AKNAD1: variants seen among roughly 807,000 people sequenced by gnomAD.
AKNAD1 encodes the protein protein AKNAD1.
AKNAD1 carries 67 observed loss-of-function variants against 90.8 expected under a neutral mutation model. That is an observed-to-expected ratio of 0.74 (90% confidence interval 0.61 to 0.90). The LOEUF (loss-of-function observed/expected upper bound fraction) is 0.90. Among genes scored for constraint, AKNAD1 ranks in the 40% least tolerant of loss-of-function variants. The probability of loss-of-function intolerance (pLI) is 0.00; values close to 1 mark genes in which losing one functional copy is unlikely to be tolerated. For missense variants in AKNAD1, 957 were observed against 975.4 expected, an observed-to-expected ratio of 0.98 and a Z score of 0.25; for synonymous variants, 327 against 341.4, an observed-to-expected ratio of 0.96 and a Z score of 0.46.
chr1:108,855,179 C>A (rs539643865), intron 1 of AKNAD1, among the ~76,000 whole-genome samples: 1 of 147,606 alleles, frequency 6.8e-6, no homozygotes, highest in Non-Finnish European at 1.5e-5. Flanking sequence ...TTTGGGCGGC[C>A]GAGGCAGGTG....
At chr1:108,854,080 G>A (rs1004565735) in intron 1 of AKNAD1, among the ~76,000 whole-genome samples, 1 of 152,182 alleles carries the variant, frequency 6.6e-6, no homozygotes, top group Non-Finnish European at 1.5e-5. Context: ...AACAACCCCT[G>A]CCAGCCACCA....
chr1:108,843,934 CCA>C (rs1570820168), intron 5 of AKNAD1, among the ~76,000 whole-genome samples: 1 of 152,300 alleles, frequency 6.6e-6, no homozygotes, highest in East Asian at 1.9e-4. Flanking sequence ...TTCCACATCC[CCA>C]GTCACTAAAC....
At chr1:108,852,887 A>ATTTTATAAT in intron 1 of AKNAD1, 120 bp from the exon 2 acceptor site, 2 of 405,512 alleles carry the variant, frequency 4.9e-6, no homozygotes, top group South Asian at 2.0e-4. Flanking sequence ...GAAGGCAGGA[A>ATTTTATAAT]GCTCAACCAC....
At chr1:108,838,866 C>G (rs952617036) in intron 6 of AKNAD1, among the ~76,000 whole-genome samples, 42 of 151,750 alleles carry the variant, frequency 2.8e-4, no homozygotes, top group African/African-American at 1.0e-3. Context: ...TATGAAAAGA[C>G]CAACAACCAG....
rs971085500 is a variant in AKNAD1 at position 108,817,180 on chromosome 1, G to A, written c.2250-3C>T. 8 of 1,613,850 alleles carry A rather than the reference G, an allele frequency of 5.0e-6. No individual in the cohort carries two copies. The highest frequency in any genetic ancestry group is 3.3e-5 in the Admixed American group (2 of 59,986). On this transcript the variant is annotated splice_polypyrimidine_tract_variant and splice_region_variant and intron_variant, in intron 14 of 15. Transcript: ENST00000370001. ...TCATGAAAGCCTGAAGTTTTTTTCT[G>A]GAAGACAAAAGCACATTGATACTTG...
At chr1:108,855,176 G>A (rs1233855228) in intron 1 of AKNAD1, among the ~76,000 whole-genome samples, 5 of 152,140 alleles carry the variant, frequency 3.3e-5, no homozygotes, top group African/African-American at 4.8e-5. Flanking sequence ...CACTTTGGGC[G>A]GCCGAGGCAG....
At chr1:108,816,601 G>T (rs1663615287) in intron 15 of AKNAD1, among the ~76,000 whole-genome samples, 1 of 152,198 alleles carries the variant, frequency 6.6e-6, no homozygotes, top group Admixed American at 6.5e-5. Context: ...AAAAAGAACA[G>T]CTCTTAGAGG....
At chr1:108,831,449 T>C (rs1664191353) in intron 9 of AKNAD1, among the ~76,000 whole-genome samples, 1 of 152,208 alleles carries the variant, frequency 6.6e-6, no homozygotes. Context: ...TTGTACAGAT[T>C]TCACAGCCAC....
intron 14 of AKNAD1, among the ~76,000 whole-genome samples, chr1:108,817,627 G>C (rs1010055945): frequency 1.4e-5 from 2 of 146,828 alleles, no homozygotes; most frequent in African/African-American, 5.0e-5. Flanking sequence ...TCAGCCTCCC[G>C]AGTAGCTGGG....
intron 9 of AKNAD1, 111 bp from the exon 10 acceptor site, chr1:108,830,761 G>A (rs1664172066): frequency 4.0e-6 from 4 of 999,470 alleles, no homozygotes; most frequent in African/African-American, 1.6e-5. Flanking sequence ...TGCCACCTCA[G>A]GCAGAGAGAC....
chr1:108,823,414 A>G lies in AKNAD1; in HGVS notation c.2123T>C (p.Phe708Ser). 1 of 1,614,172 alleles carries G rather than the reference A, an allele frequency of 6.2e-7. No homozygotes were observed. Among genetic ancestry groups the G allele is most frequent in the Non-Finnish European group, 8.5e-7 (1 of 1,180,016 alleles). Residue 708 changes from phenylalanine to serine, a missense_variant, in exon 13 of 16, where the codon TTT becomes TCT. Physicochemically the swap from Phe to Ser is radical, Grantham distance 155. Transcript: ENST00000370001. The part of the protein sequence containing the change: ...NYSNHSKRGA[F>S]VQPHSLDESK... Reference sequence around the variant, plus strand: ...TTCATCTAAAGAATGGGGCTGGACAAAGGCACCTCTTTTGCTATGATTTGA... The same window carrying G: ...TTCATCTAAAGAATGGGGCTGGACAGAGGCACCTCTTTTGCTATGATTTGA...
chr1:108,823,619 C>A lies in AKNAD1; in HGVS notation c.2006G>T (p.Cys669Phe), dbSNP rs1464681565. 1.9e-6 allele frequency: 3 copies of A among 1,614,186 alleles called. No individual in the cohort carries two copies. In the Admixed American group the frequency reaches 5.0e-5, roughly 27 times the overall value. The change falls in exon 12 of 16, where the codon TGT (cysteine) becomes TTT (phenylalanine). Residue 669 changes from cysteine (C) to phenylalanine (F), a missense_variant. By Grantham distance (205) the Cys-to-Phe change is radical (BLOSUM62 -2). Transcript: ENST00000370001. ...TCGGGAGGTAGGAATCTTAGTGCCA[C>A]AGTCCTGACATTTGTTACTCTGCAT... ...TEMQSNKCQD[C>F]GTKIPTSRRA... is the part of the protein sequence containing the mutation.
intron 2 of AKNAD1, among the ~76,000 whole-genome samples, chr1:108,850,989 CATTACTAACG>C (rs1664837926): frequency 6.6e-6 from 1 of 152,148 alleles, no homozygotes; most frequent in African/African-American, 2.4e-5. Context: ...GCTTGAAATC[CATTACTAACG>C]ATCTTAATTC....
chr1:108,853,136 C>CTTTTTTTTTTTTTT lies in AKNAD1; in HGVS notation c.-103-370_-103-369insAAAAAAAAAAAAAA, dbSNP rs889504364. On this transcript the variant is annotated intron_variant, in intron 1 of 15. Coordinates refer to ENST00000370001, the MANE Select transcript of AKNAD1 (RefSeq NM_152763.5). The stretch of plus-strand genomic sequence containing the variant: ...AAAGGATTGATTTTTTTTCTTTTTT[C>CTTTTTTTTTTTTTT]TTTTTTTTTTTTTGAGACGGAGTCT... Among the ~76,000 whole-genome samples the CTTTTTTTTTTTTTT allele has an allele frequency of 1.3e-3, 176 of 133,506 alleles. 5 individuals carry two copies. The highest frequency in any genetic ancestry group is 2.7e-3 in the African/African-American group (95 of 34,772). The allele number at this position is 133,506 out of a possible 152,430, so 87.6% of individuals were successfully genotyped here. A position where few individuals can be genotyped will look rare whatever the true frequency, so the allele number is the denominator to read the frequency against.
rs764974826 is a variant in AKNAD1, at chr1:108,816,151, C to T, written c.*20G>A. 3.8e-6 allele frequency: 6 copies of T among 1,558,922 alleles called. No individual in the cohort carries two copies. The highest frequency in any genetic ancestry group is 1.2e-5 in the South Asian group (1 of 80,770). On this transcript the variant is annotated 3_prime_UTR_variant, in exon 16 of 16. Coordinates refer to ENST00000370001, the MANE Select transcript of AKNAD1 (RefSeq NM_152763.5). The stretch of plus-strand genomic sequence containing the variant: ...TCTTTGCATTTTTTTCTTTTGAATC[C>T]TTGGTAGCCTAGCGTTGAACTAGTA...
chr1:108,838,325 C>G (rs1229955491), intron 6 of AKNAD1, among the ~76,000 whole-genome samples: 1 of 148,832 alleles, frequency 6.7e-6, no homozygotes, highest in African/African-American at 2.6e-5. Flanking sequence ...GATAGCCCCC[C>G]CCCCAAAAAA....
chr1:108,834,012 G>A (rs1199590088), intron 9 of AKNAD1, among the ~76,000 whole-genome samples: 1 of 151,882 alleles, frequency 6.6e-6, no homozygotes, highest in Non-Finnish European at 1.5e-5. Context: ...AAGACCCCGG[G>A]GTTGGTAATC....
At chr1:108,832,521 G>A (rs1304266796) in intron 9 of AKNAD1, among the ~76,000 whole-genome samples, 4 of 152,132 alleles carry the variant, frequency 2.6e-5, no homozygotes, top group Non-Finnish European at 4.4e-5. Context: ...CACTGCACCC[G>A]GCCAGTATGC....
At chr1:108,834,559 T>A (rs1252529772) in intron 8 of AKNAD1, 31 bp from the exon 9 acceptor site, 1 of 1,541,476 alleles carries the variant, frequency 6.5e-7, no homozygotes. Context: ...GCAGTTTGAA[T>A]GTTAGAATCA....
Sources: allele counts gnomAD v4.1 joint callset (sites outside exome capture counted in the v4.1 genomes callset), GRCh38; gene constraint gnomAD v4.1.1; transcripts MANE v1.5; gene names NCBI Gene and HGNC (gene_info 2026-07-23, HGNC 2026-07-21).